Variants in CSGALNACT1 observed in about 807,000 individuals in gnomAD.
CSGALNACT1 encodes the protein chondroitin sulfate N-acetylgalactosaminyltransferase 1, also known as beta4GalNAcT-1.
A neutral mutation model predicts 51.0 loss-of-function variants in CSGALNACT1; 52 were observed. That is an observed-to-expected ratio of 1.02 (90% CI 0.82 to 1.29). The LOEUF is 1.29. CSGALNACT1 is among the 50% of genes most tolerant of loss of function. CSGALNACT1 has a pLI of 0.00. For synonymous variants in CSGALNACT1, 341 were observed against 254.4 expected (o/e 1.34, Z -3.24); for missense variants, 935 against 679.2 (o/e 1.38, Z -4.19).
At chr8:19,406,141 CA>C (rs2054123924) in intron 9 of CSGALNACT1, 72 bp from the exon 9 acceptor site, 1 of 1,558,532 alleles carries the variant, frequency 6.4e-7, no homozygotes, top group African/African-American at 1.4e-5. Flanking sequence ...GCAACAAGCA[CA>C]AACTTTTCAT....
intron 1 of CSGALNACT1, among the ~76,000 whole-genome samples, chr8:19,687,758 A>G (rs866916881): frequency 3.3e-5 from 5 of 152,348 alleles, no homozygotes; most frequent in Middle Eastern, 3.4e-3. Context: ...TAAAGACAAT[A>G]CTATTATTAC....
chr8:19,666,989 AAG>A (rs2059353277), intron 1 of CSGALNACT1, among the ~76,000 whole-genome samples: 2 of 19,472 alleles, frequency 1.0e-4, no homozygotes, highest in South Asian at 3.8e-3. Flanking sequence ...GAAAGAAAGA[AAG>A]AAAGAAAGAA....
At chr8:19,568,896 C>T (rs1004842475) in intron 3 of CSGALNACT1, among the ~76,000 whole-genome samples, 6 of 152,308 alleles carry the variant, frequency 3.9e-5, no homozygotes, top group Non-Finnish European at 8.8e-5. Flanking sequence ...CCCTTAGCCT[C>T]AACAGATCAA....
exon 7 of CSGALNACT1, chr8:19,420,434 G>C (rs1436047314): frequency 1.9e-6 from 3 of 1,614,194 alleles, no homozygotes; most frequent in East Asian, 2.2e-5. Flanking sequence ...TTCCCTTCCA[G>C]AAGCGGGCTC....
chr8:19,446,903 C>T (rs2153786935), intron 5 of CSGALNACT1, among the ~76,000 whole-genome samples: 1 of 152,276 alleles, frequency 6.6e-6, no homozygotes, highest in Admixed American at 6.5e-5. Context: ...CCCATAAACC[C>T]ATAAACCAGT....
chr8:19,441,700 A>G lies in CSGALNACT1; in HGVS notation c.852-1769T>C, dbSNP rs570412666. 4.7e-4 allele frequency among the ~76,000 whole-genome samples: 71 copies of G among 152,314 alleles called. 1 individual carries two copies. The highest frequency in any genetic ancestry group is 1.5e-3 in the Admixed American group (23 of 15,290). On this transcript the variant is annotated intron_variant, in intron 5 of 9. Coordinates refer to ENST00000454498, the Ensembl canonical transcript of CSGALNACT1. ...TAAAACACCAAAAGCAATGGCAACA[A>G]AAGCCAAAATTGACAAATGGGATCT...
intron 1 of CSGALNACT1, among the ~76,000 whole-genome samples, chr8:19,725,059 A>G (rs966094589): frequency 2.0e-5 from 3 of 152,088 alleles, no homozygotes; most frequent in Non-Finnish European, 2.9e-5. Context: ...GCCTCCATCT[A>G]CTCATCTCTA....
chr8:19,577,040 C>A (rs1360262882), intron 3 of CSGALNACT1, among the ~76,000 whole-genome samples: 1 of 151,818 alleles, frequency 6.6e-6, no homozygotes, highest in Non-Finnish European at 1.5e-5. Context: ...ACATCCAAAC[C>A]CCCTTAGACT....
chr8:19,482,046 G>A (rs1055490498), intron 4 of CSGALNACT1, among the ~76,000 whole-genome samples: 23 of 151,864 alleles, frequency 1.5e-4, no homozygotes, highest in Non-Finnish European at 1.0e-4. Flanking sequence ...CCATCAAATC[G>A]CTCATGACTC....
intron 5 of CSGALNACT1, among the ~76,000 whole-genome samples, chr8:19,446,408 C>A (rs1414390196): frequency 6.6e-6 from 1 of 152,130 alleles, no homozygotes; most frequent in African/African-American, 2.4e-5. Flanking sequence ...AAGATCCCTC[C>A]AGGGAGCTCA....
intron 1 of CSGALNACT1, among the ~76,000 whole-genome samples, chr8:19,661,832 C>G (rs545390261): frequency 6.6e-6 from 1 of 152,254 alleles, no homozygotes; most frequent in South Asian, 2.1e-4. Context: ...TTCTATTTCT[C>G]CCACCAGTTC....
intron 1 of CSGALNACT1, among the ~76,000 whole-genome samples, chr8:19,753,719 G>A (rs10888168): frequency 0.77 from 117,094 of 152,058 alleles, 45,422 homozygotes; most frequent in Middle Eastern, 0.92. Flanking sequence ...CTCGAATTAA[G>A]TTTCATGGAA....
intron 1 of CSGALNACT1, among the ~76,000 whole-genome samples, chr8:19,677,279 T>C (rs2060263932): frequency 6.6e-6 from 1 of 152,166 alleles, no homozygotes; most frequent in Non-Finnish European, 1.5e-5. Context: ...TAGCTAATTT[T>C]TTTATATCTT....
Position 19,663,762 on chromosome 8 carries a change from T to A in CSGALNACT1, c.-544+18711A>T, listed in dbSNP as rs10464994. On this transcript the variant is annotated intron_variant, in intron 1 of 9. Coordinates refer to the CSGALNACT1 transcript ENST00000332246. Reference sequence around the variant, plus strand: ...TACTACATTTCTATTGTGCAAACAGTTTCAATTCATCAAGAAGGAATCTCA... The same window carrying A: ...TACTACATTTCTATTGTGCAAACAGATTCAATTCATCAAGAAGGAATCTCA... Among the ~76,000 whole-genome samples the A allele has an allele frequency of 2.5e-4, 38 of 152,358 alleles. 1 individual carries two copies. In the East Asian group the frequency reaches 7.1e-3, roughly 29 times the overall value.
intron 6 of CSGALNACT1, among the ~76,000 whole-genome samples, chr8:19,433,017 T>C (rs2059869335): frequency 6.6e-6 from 1 of 152,162 alleles, no homozygotes; most frequent in African/African-American, 2.4e-5. Flanking sequence ...TTGCTAAAAA[T>C]TGAACATTTA....
At chr8:19,630,260 G>A (rs2975414) in intron 1 of CSGALNACT1, among the ~76,000 whole-genome samples, 1 of 147,910 alleles carries the variant, frequency 6.8e-6, no homozygotes, top group African/African-American at 2.5e-5. Context: ...GTGTGTTCTA[G>A]TAAAATTTTA....
chr8:19,545,548 T>C (rs1316977595), intron 3 of CSGALNACT1, among the ~76,000 whole-genome samples: 11 of 152,118 alleles, frequency 7.2e-5, no homozygotes, highest in African/African-American at 2.7e-4. Context: ...CTGTCTTACA[T>C]TTTTATTCCT....
At chr8:19,737,740 A>G (rs2064073440) in intron 1 of CSGALNACT1, among the ~76,000 whole-genome samples, 1 of 152,242 alleles carries the variant, frequency 6.6e-6, no homozygotes, top group African/African-American at 2.4e-5. Context: ...AAAGACTGAG[A>G]TCATCACATA....
chr8:19,556,592 T>G (rs1466033475), intron 3 of CSGALNACT1, among the ~76,000 whole-genome samples: 2 of 152,152 alleles, frequency 1.3e-5, no homozygotes, highest in Non-Finnish European at 2.9e-5. Context: ...TCTAGTCAAT[T>G]TAATGAGTTG....
Sources: allele counts gnomAD v4.1 joint callset (sites outside exome capture counted in the v4.1 genomes callset), GRCh38; gene constraint gnomAD v4.1.1; transcripts MANE v1.5; gene names NCBI Gene and HGNC (gene_info 2026-07-23, HGNC 2026-07-21).